The following PTPRS variants were observed in gnomAD, a reference collection of about 807,000 sequenced individuals.
The protein encoded by PTPRS is receptor-type tyrosine-protein phosphatase S.
A neutral mutation model predicts 215.3 loss-of-function variants in PTPRS; 63 were observed. The ratio of observed to expected loss-of-function variants is 0.29; its 90% confidence interval spans 0.24 to 0.36. The LOEUF is 0.36. PTPRS is among the 10% of genes least tolerant of loss of function. The pLI, the probability that PTPRS is intolerant of heterozygous loss-of-function variation, is 1.00. For synonymous variants in PTPRS, 1,404 were observed against 1,191.4 expected, an observed-to-expected ratio of 1.18 and a Z score of -3.68; for missense variants, 2,258 against 2,825.8, an observed-to-expected ratio of 0.80 and a Z score of 4.56.
At chr19:5,213,482 A>C in intron 30 of PTPRS, among the ~76,000 whole-genome samples, 1 of 149,492 alleles carries the variant, frequency 6.7e-6, no homozygotes, top group Non-Finnish European at 1.5e-5. Context: ...TTTCTCCTCC[A>C]CTTTATTTTT....
chr19:5,248,447 G>A (rs967699067), intron 9 of PTPRS, among the ~76,000 whole-genome samples: 6 of 151,802 alleles, frequency 4.0e-5, no homozygotes, highest in African/African-American at 1.2e-4. Context: ...GAAAGGAGGA[G>A]GACTGTGGCT....
Position 5,231,542 on chromosome 19 carries a change from C to G in PTPRS, c.1923G>C (p.Pro641=). ...CCCCGTTGTGCGTTTCCGGCGGCGGCGGGCGCCAACTTACCAAAATGGCCG... is the reference window on the plus strand; with the variant it reads ...CCCCGTTGTGCGTTTCCGGCGGCGGGGGGCGCCAACTTACCAAAATGGCCG... ...RSTAILVSWR[P]PPPETHNGAL... The change falls in exon 14 of 38, where the codon CCG becomes CCC. Residue 641 remains proline, a synonymous_variant. Transcript: ENST00000262963. 1 of 1,609,596 alleles carries G rather than the reference C, an allele frequency of 6.2e-7. No homozygotes were observed. Among genetic ancestry groups the G allele is most frequent in the Middle Eastern group, 1.7e-4 (1 of 5,968 alleles).
intron 1 of PTPRS, among the ~76,000 whole-genome samples, chr19:5,306,331 G>A (rs2049492476): frequency 6.6e-6 from 1 of 152,034 alleles, no homozygotes; most frequent in South Asian, 2.1e-4. Context: ...TTTTAGTAGA[G>A]ACGGGGTTTC....
intron 1 of PTPRS, among the ~76,000 whole-genome samples, chr19:5,286,689 G>T (rs1280028787): frequency 6.6e-6 from 1 of 152,080 alleles, no homozygotes; most frequent in East Asian, 1.9e-4. Flanking sequence ...CTAGAACTGT[G>T]AGGTACCAAT....
chr19:5,250,559 G>A (rs1241966275), intron 9 of PTPRS, among the ~76,000 whole-genome samples: 1 of 150,716 alleles, frequency 6.6e-6, no homozygotes, highest in Non-Finnish European at 1.5e-5. Context: ...TCCTCAGCAC[G>A]CTCCAGCTGG....
intron 25 of PTPRS, 82 bp from the exon 26 acceptor site, chr19:5,216,849 G>C: frequency 1.1e-6 from 1 of 922,302 alleles, no homozygotes; most frequent in Non-Finnish European, 1.7e-6. Flanking sequence ...ACCCCTCACT[G>C]GCTGGCGGAT....
At chr19:5,219,829 G>C in intron 22 of PTPRS, 110 bp downstream of exon 22, 2 of 1,263,682 alleles carry the variant, frequency 1.6e-6, no homozygotes, top group Non-Finnish European at 2.2e-6. Context: ...GCCCAGCTCT[G>C]ACCACAGGGA....
rs770699501 is a variant in PTPRS, at chr19:5,210,758, G to A, written c.5282C>T (p.Thr1761Met). Residue 1761 changes from threonine to methionine, a missense_variant, in exon 34 of 38, where the codon ACG (threonine) becomes ATG (methionine). Thr to Met is a moderately conservative substitution (Grantham distance 81). Coordinates refer to ENST00000262963, the MANE Select transcript of PTPRS (RefSeq NM_002850.4). The surrounding 1 kb of genome is among the most constrained non-coding windows in gnomAD (Gnocchi z 4.5). The part of the protein sequence containing the change: ...IATQGPLAET[T>M]EDFWRMLWEN... ...CCACAGCATGCGCCAGAAGTCTTCCGTGGTCTCCGCCAGCGGCCCCTGTGT... is the reference window on the plus strand; with the variant it reads ...CCACAGCATGCGCCAGAAGTCTTCCATGGTCTCCGCCAGCGGCCCCTGTGT... The A allele has an allele frequency of 5.0e-6, 8 of 1,613,986 alleles. No homozygotes were observed. Among genetic ancestry groups the A allele is most frequent in the African/African-American group, 1.3e-5 (1 of 74,938 alleles).
At chr19:5,280,054 T>C (rs927212435) in intron 2 of PTPRS, among the ~76,000 whole-genome samples, 6 of 152,198 alleles carry the variant, frequency 3.9e-5, no homozygotes, top group Admixed American at 3.9e-4. Context: ...GGAGCAAAAC[T>C]TTGTTTTAAG....
chr19:5,273,304 G>T, intron 4 of PTPRS, 138 bp downstream of exon 4: 2 of 1,212,410 alleles, frequency 1.6e-6, no homozygotes, highest in Non-Finnish European at 2.4e-6. Context: ...ACTGTTACTG[G>T]TTGGATAAGG....
intron 2 of PTPRS, among the ~76,000 whole-genome samples, chr19:5,275,185 C>G (rs1296884465): frequency 6.6e-6 from 1 of 151,616 alleles, no homozygotes; most frequent in African/African-American, 2.4e-5. Context: ...ATTCTCCTGC[C>G]TCAGCCTCCC....
chr19:5,221,005 A>C lies in PTPRS; in HGVS notation c.3450T>G (p.Pro1150=). 1 of 1,608,698 alleles carries C rather than the reference A, an allele frequency of 6.2e-7. No individual in the cohort carries two copies. The highest frequency in any genetic ancestry group is 1.3e-5 in the African/African-American group (1 of 74,978). The part of the protein sequence containing the change: ...VYLPDGQSPV[P]VQSYFIVMVP... ...GAGCATGGGGGTGAGCATACTGGACAGGCACGGGGCTCTGGCCGTCAGGAA... is the reference window on the plus strand; with the variant it reads ...GAGCATGGGGGTGAGCATACTGGACCGGCACGGGGCTCTGGCCGTCAGGAA... The change falls in exon 20 of 38, where the codon CCT becomes CCG. Residue 1150 remains proline (P), a synonymous_variant. Transcript: ENST00000262963.
At chr19:5,246,406 T>C (rs2044489301) in intron 9 of PTPRS, among the ~76,000 whole-genome samples, 2 of 152,226 alleles carry the variant, frequency 1.3e-5, no homozygotes, top group South Asian at 2.1e-4. Context: ...CAGGGTTTCA[T>C]AGACCAGGGT....
chr19:5,302,720 A>C (rs967466702), intron 1 of PTPRS, among the ~76,000 whole-genome samples: 1 of 151,812 alleles, frequency 6.6e-6, no homozygotes, highest in Non-Finnish European at 1.5e-5. Flanking sequence ...TCCAGAGGCC[A>C]CCCCCAAACA....
At position 5,340,748 on chromosome 19, in the gene PTPRS, G is replaced by T. The variant is rs1269864120; in HGVS notation, c.-179C>A. ...CATGGGATCCGAGCGGAGCCCGAGC[G>T]CCAGCGGCTCGCGGCGTGCGCGCGC... On this transcript the variant is annotated 5_prime_UTR_variant, in exon 1 of 38. Coordinates refer to ENST00000262963, the MANE Select transcript of PTPRS (RefSeq NM_002850.4). 1 of 149,788 alleles carries T rather than the reference G, an allele frequency of 6.7e-6. No individual in the cohort carries two copies. Among genetic ancestry groups the T allele is most frequent in the African/African-American group, 2.4e-5 (1 of 40,968 alleles). The allele number at this position is 149,788 out of a possible 1,614,324, so 9.3% of individuals were successfully genotyped here.
At chr19:5,251,523 C>G (rs571505499) in intron 9 of PTPRS, among the ~76,000 whole-genome samples, 2 of 151,632 alleles carry the variant, frequency 1.3e-5, no homozygotes, top group African/African-American at 4.9e-5. Context: ...CCCTCACCAC[C>G]CCCCCAACCT....
At chr19:5,272,370 G>C (rs1332223850) in intron 4 of PTPRS, among the ~76,000 whole-genome samples, 1 of 151,978 alleles carries the variant, frequency 6.6e-6, no homozygotes, top group Non-Finnish European at 1.5e-5. Context: ...GGCTGAGGCA[G>C]GCGGATCACT....
At chr19:5,311,722 GGCGAGAGGGA>G (rs1680094019) in intron 1 of PTPRS, among the ~76,000 whole-genome samples, 1 of 152,130 alleles carries the variant, frequency 6.6e-6, no homozygotes. Context: ...AGGGTAACTG[GGCGAGAGGGA>G]GTGAATATTG....
At chr19:5,285,393 G>C (rs545415245) in intron 2 of PTPRS, among the ~76,000 whole-genome samples, 1 of 152,310 alleles carries the variant, frequency 6.6e-6, no homozygotes, top group South Asian at 2.1e-4. Flanking sequence ...ATTACAGCCA[G>C]AAATGCTTCC....
Sources: allele counts gnomAD v4.1 joint callset (sites outside exome capture counted in the v4.1 genomes callset), GRCh38; gene constraint gnomAD v4.1.1; non-coding constraint Gnocchi (gnomAD v3.1); transcripts MANE v1.5; gene names NCBI Gene and HGNC (gene_info 2026-07-23, HGNC 2026-07-21).